Variants in VSIG10L2 observed in about 807,000 individuals in gnomAD.
The protein encoded by VSIG10L2 is V-set and immunoglobulin domain-containing protein 10-like 2.
In VSIG10L2, 56 loss-of-function variants were observed where a neutral mutation model predicts 67.1. That is an observed-to-expected ratio of 0.83 (90% confidence interval 0.67 to 1.04). The LOEUF is 1.04. Ranked by LOEUF, VSIG10L2 falls within the 50% of genes least tolerant of loss-of-function variation. The probability of loss-of-function intolerance (pLI) is 0.00; values close to 1 mark genes in which losing one functional copy is unlikely to be tolerated. For synonymous variants in VSIG10L2, 360 were observed against 396.6 expected (o/e 0.91, Z 1.10); for missense variants, 843 against 932.8 (o/e 0.90, Z 1.25).
intron 5 of VSIG10L2, 137 bp from the exon 6 acceptor site, chr11:125,951,676 T>G: frequency 7.8e-5 from 64 of 819,946 alleles, no homozygotes; most frequent in Non-Finnish European, 1.1e-4. Flanking sequence ...CAATAAATGA[T>G]GAGTGTGTGA....
At position 125,955,874 on chromosome 11, in the gene VSIG10L2, C is replaced by T. The variant is rs1193952336; in HGVS notation, c.2342C>T (p.Ser781Phe). The change falls in exon 12 of 12, where the codon TCT (serine) becomes TTT (phenylalanine). Residue 781 changes from serine (S) to phenylalanine (F), a missense_variant. By Grantham distance (155) the Ser-to-Phe change is radical. Transcript: ENST00000686984. Reference protein sequence around the residue: ...GLDPAQETTDSPVNVTITVTA... With the variant: ...GLDPAQETTDFPVNVTITVTA... ...GATCCTGCACAAGAAACCACGGATT[C>T]TCCAGTGAATGTCACCATCACAGTG... 3 of 693,750 alleles carry T rather than the reference C, an allele frequency of 4.3e-6. No individual in the cohort carries two copies. The highest frequency in any genetic ancestry group is 7.9e-6 in the Non-Finnish European group (3 of 382,070). 43.0% of individuals were successfully genotyped at this position (693,750 alleles called of 1,614,324 possible). A position where few individuals can be genotyped will look rare whatever the true frequency, so the allele number is the denominator to read the frequency against.
At chr11:125,951,200 C>T in intron 5 of VSIG10L2, 42 bp downstream of exon 5, 1 of 1,232,556 alleles carries the variant, frequency 8.1e-7, no homozygotes, top group Non-Finnish European at 1.0e-6. Context: ...ACATTCCAGG[C>T]AGAGTGTGGG....
Position 125,953,397 on chromosome 11 carries a change from C to A in VSIG10L2, c.1496-3C>A, listed in dbSNP as rs919587359. ...GCCGGCCTCATCCTCTCTGTCCCCG[C>A]AGAAGCCCCACAGCTGGACGTGGCT... On this transcript the variant is annotated splice_polypyrimidine_tract_variant and splice_region_variant and intron_variant, in intron 6 of 11. Coordinates refer to ENST00000686984, the MANE Select transcript of VSIG10L2 (RefSeq NM_001365077.2). 1.6e-6 allele frequency: 2 copies of A among 1,232,508 alleles called. No individual in the cohort carries two copies. Among genetic ancestry groups the A allele is most frequent in the African/African-American group, 3.1e-5 (2 of 64,552 alleles). 76.3% of individuals were successfully genotyped at this position (1,232,508 alleles called of 1,614,324 possible). A position where few individuals can be genotyped will look rare whatever the true frequency, so the allele number is the denominator to read the frequency against.
chr11:125,949,100 T>C (rs1194006555), intron 3 of VSIG10L2, among the ~76,000 whole-genome samples: 4 of 152,250 alleles, frequency 2.6e-5, no homozygotes, highest in Non-Finnish European at 4.4e-5. Flanking sequence ...GCTGTAGGCA[T>C]GGAAGGCACA....
chr11:125,956,040 C>A lies in VSIG10L2; in HGVS notation c.*126C>A, dbSNP rs1371912534. 2 of 676,116 alleles carry A rather than the reference C, an allele frequency of 3.0e-6. No individual in the cohort carries two copies. The highest frequency in any genetic ancestry group is 5.4e-6 in the Non-Finnish European group (2 of 372,762). The allele number at this position is 676,116 out of a possible 1,614,324, so 41.9% of individuals were successfully genotyped here. A position where few individuals can be genotyped will look rare whatever the true frequency, so the allele number is the denominator to read the frequency against. On this transcript the variant is annotated 3_prime_UTR_variant, in exon 12 of 12. Coordinates refer to ENST00000686984, the MANE Select transcript of VSIG10L2 (RefSeq NM_001365077.2). ...ACCAACTACCACTTTCACTTAATAC[C>A]CAGTCTTCACAACTGGTACAAGGCC...
chr11:125,947,607 G>C (rs749189887), intron 1 of VSIG10L2, 79 bp from the exon 2 acceptor site: 64 of 1,231,596 alleles, frequency 5.2e-5, no homozygotes, highest in Non-Finnish European at 5.7e-5. Flanking sequence ...GAACCAAAAA[G>C]AGAGGCTCCA....
chr11:125,948,918 G>A (rs905923569), intron 3 of VSIG10L2, among the ~76,000 whole-genome samples: 13 of 152,226 alleles, frequency 8.5e-5, no homozygotes, highest in South Asian at 4.1e-4. Context: ...AGGACCCCAG[G>A]AGACAGGAAT....
chr11:125,953,741 C>A, intron 7 of VSIG10L2, 51 bp downstream of exon 7: 1 of 1,226,312 alleles, frequency 8.2e-7, no homozygotes, highest in Non-Finnish European at 1.0e-6. Context: ...GCTGGGAGAC[C>A]AACAGCCACA....
chr11:125,948,013 C>G lies in VSIG10L2; in HGVS notation c.410C>G (p.Ser137Cys). The change falls in exon 2 of 12, where the codon TCC becomes TGC. Residue 137 changes from serine (S) to cysteine (C), a missense_variant. By Grantham distance (112) the Ser-to-Cys change is moderately radical. Around this residue, in one of 2 missense-constraint regions of VSIG10L2, gnomAD observed 446 missense variants for 548.4 expected, o/e 0.81. Transcript: ENST00000686984. ...VAGGQLHAAY[S>C]HLTLAVLVPV... ...GGCGGCCAGCTCCACGCTGCCTACTCCCACCTCACGCTGGCTGTGCTGGGT... is the reference window on the plus strand; with the variant it reads ...GGCGGCCAGCTCCACGCTGCCTACTGCCACCTCACGCTGGCTGTGCTGGGT... The G allele has an allele frequency of 1.6e-6, 2 of 1,232,354 alleles. No homozygotes were observed. The highest frequency in any genetic ancestry group is 3.1e-5 in the African/African-American group (2 of 64,546). The allele number at this position is 1,232,354 out of a possible 1,614,324, so 76.3% of individuals were successfully genotyped here.
At position 125,953,611 on chromosome 11, in the gene VSIG10L2, A is replaced by AC; in HGVS notation, c.1708dup (p.His570ProfsTer17). The AC allele has an allele frequency of 8.1e-7, 1 of 1,232,198 alleles. No homozygotes were observed. Among genetic ancestry groups the AC allele is most frequent in the Non-Finnish European group, 1.0e-6 (1 of 988,006 alleles). The allele number at this position is 1,232,198 out of a possible 1,614,324, so 76.3% of individuals were successfully genotyped here. On this transcript the variant is annotated frameshift_variant, in exon 7 of 12. Transcript: ENST00000686984. LOFTEE classifies it high-confidence loss of function. Reference sequence around the variant, plus strand: ...TGGGCATCTACGATGCTGACCCGGCACACCACAGGGGCACCTACCAATGCG... The same window carrying AC: ...TGGGCATCTACGATGCTGACCCGGCACCACCACAGGGGCACCTACCAATGCG...
At position 125,954,128 on chromosome 11, in the gene VSIG10L2, T is replaced by A; in HGVS notation, c.1828T>A (p.Tyr610Asn). Reference protein sequence around the residue: ...PPNVTISRLTYGRHRREVQLQ... With the variant: ...PPNVTISRLTNGRHRREVQLQ... ...CAATGTCACCATCAGCCGCCTGACCTACGGGAGGCACCGGAGAGAGGTGCA... is the reference window on the plus strand; with the variant it reads ...CAATGTCACCATCAGCCGCCTGACCAACGGGAGGCACCGGAGAGAGGTGCA... Residue 610 changes from tyrosine (Y) to asparagine (N), a missense_variant, in exon 8 of 12, where the codon TAC becomes AAC. This residue lies in a region of VSIG10L2 where 397 missense variants were observed against 384.4 expected (regional missense o/e 1.03). Transcript: ENST00000686984. 5.7e-6 allele frequency: 7 copies of A among 1,232,304 alleles called. No individual in the cohort carries two copies. The highest frequency in any genetic ancestry group is 7.1e-6 in the Non-Finnish European group (7 of 988,090). The allele number at this position is 1,232,304 out of a possible 1,614,324, so 76.3% of individuals were successfully genotyped here. A position where few individuals can be genotyped will look rare whatever the true frequency, so the allele number is the denominator to read the frequency against.
In VSIG10L2 at chr11:125,954,195, T is replaced by C. The variant is rs1462850771; in HGVS notation, c.1895T>C (p.Phe632Ser). The change falls in exon 8 of 12, where the codon TTC (phenylalanine) becomes TCC (serine). Residue 632 changes from phenylalanine to serine, a missense_variant. Coordinates refer to ENST00000686984, the MANE Select transcript of VSIG10L2 (RefSeq NM_001365077.2). ...AILGPGNLTG[F>S]LVQRKASALG... ...TTAGGACCCGGGAACCTGACGGGCT[T>C]CCTGGTGCAGCGGAAGGCCAGTGCC... The C allele has an allele frequency of 8.1e-7, 1 of 1,232,104 alleles. No homozygotes were observed. The highest frequency in any genetic ancestry group is 1.6e-5 in the African/African-American group (1 of 64,426). 76.3% of individuals were successfully genotyped at this position (1,232,104 alleles called of 1,614,324 possible). A position where few individuals can be genotyped will look rare whatever the true frequency, so the allele number is the denominator to read the frequency against.
At position 125,951,987 on chromosome 11, in the gene VSIG10L2, C is replaced by T. The variant is rs1175567080; in HGVS notation, c.1409C>T (p.Ala470Val). Reference sequence around the variant, plus strand: ...TCGATGGCCGTTCACCTCCTGCAGGCCCAAGAAGATCTGGCTGGCAGAGAG... The same window carrying T: ...TCGATGGCCGTTCACCTCCTGCAGGTCCAAGAAGATCTGGCTGGCAGAGAG... ...SSSMAVHLLQ[A>V]QEDLAGREFT... Residue 470 changes from alanine (A) to valine (V), a missense_variant, in exon 6 of 12, where the codon GCC becomes GTC. By Grantham distance (64) the Ala-to-Val change is moderately conservative. This residue lies in a region of VSIG10L2 where 397 missense variants were observed against 384.4 expected (regional missense o/e 1.03). Transcript: ENST00000686984. The T allele has an allele frequency of 1.3e-6, 2 of 1,536,044 alleles. No individual in the cohort carries two copies. Among genetic ancestry groups the T allele is most frequent in the Non-Finnish European group, 1.7e-6 (2 of 1,146,840 alleles).
chr11:125,956,036 A>C lies in VSIG10L2; in HGVS notation c.*122A>C. The stretch of plus-strand genomic sequence containing the variant: ...AGACACCAACTACCACTTTCACTTA[A>C]TACCCAGTCTTCACAACTGGTACAA... On this transcript the variant is annotated 3_prime_UTR_variant, in exon 12 of 12. Transcript: ENST00000686984. 1 of 674,950 alleles carries C rather than the reference A, an allele frequency of 1.5e-6. No individual in the cohort carries two copies. The highest frequency in any genetic ancestry group is 1.6e-5 in the South Asian group (1 of 62,742). 41.8% of individuals were successfully genotyped at this position (674,950 alleles called of 1,614,324 possible). A position where few individuals can be genotyped will look rare whatever the true frequency, so the allele number is the denominator to read the frequency against.
Position 125,950,077 on chromosome 11 carries a change from C to A in VSIG10L2, c.773C>A (p.Ala258Asp), listed in dbSNP as rs1190694440. ...GGACTCACTGAGGAGGGCTTCTGGG[C>A]CAGTGAGAGGGAAGAGGTGACCCTG... ...PLGLTEEGFWASEREEVTLSC... is the reference protein window; with the variant it reads ...PLGLTEEGFWDSEREEVTLSC... The change falls in exon 4 of 12, where the codon GCC (alanine) becomes GAC (aspartate). Residue 258 changes from alanine (A) to aspartate (D), a missense_variant. This residue lies in a region of VSIG10L2 where 446 missense variants were observed against 548.4 expected (regional missense o/e 0.81). Coordinates refer to ENST00000686984, the MANE Select transcript of VSIG10L2 (RefSeq NM_001365077.2). 2 of 1,232,218 alleles carry A rather than the reference C, an allele frequency of 1.6e-6. No individual in the cohort carries two copies. The highest frequency in any genetic ancestry group is 3.1e-5 in the African/African-American group (2 of 64,390). 76.3% of individuals were successfully genotyped at this position (1,232,218 alleles called of 1,614,324 possible).
Position 125,948,030 on chromosome 11 carries a change from G to A in VSIG10L2, c.427G>A (p.Val143Met). 1 of 1,232,538 alleles carries A rather than the reference G, an allele frequency of 8.1e-7. No homozygotes were observed. The highest frequency in any genetic ancestry group is 1.0e-6 in the Non-Finnish European group (1 of 988,272). 76.4% of individuals were successfully genotyped at this position (1,232,538 alleles called of 1,614,324 possible). The change falls in exon 2 of 12, where the codon GTG becomes ATG. Residue 143 changes from valine to methionine, a missense_variant. By Grantham distance (21) the Val-to-Met change is conservative. Transcript: ENST00000686984. ...TGCCTACTCCCACCTCACGCTGGCT[G>A]TGCTGGGTGAGGGCCTGGCCCCAGC... ...HAAYSHLTLAVLVPVSKPQVR... is the reference protein window; with the variant it reads ...HAAYSHLTLAMLVPVSKPQVR...
At chr11:125,951,303 C>T (rs758377740) in intron 5 of VSIG10L2, 145 bp downstream of exon 5, 3 of 732,270 alleles carry the variant, frequency 4.1e-6, no homozygotes, top group Non-Finnish European at 5.6e-6. Flanking sequence ...AGGTGGGCGG[C>T]ACTCAGCTCT....
intron 3 of VSIG10L2, among the ~76,000 whole-genome samples, chr11:125,949,311 G>A (rs533128865): frequency 2.6e-5 from 4 of 152,148 alleles, no homozygotes; most frequent in African/African-American, 4.8e-5. Flanking sequence ...CTACTAGAAC[G>A]TGTTATAAAA....
intron 5 of VSIG10L2, 102 bp from the exon 6 acceptor site, chr11:125,951,711 G>A: frequency 1.7e-6 from 2 of 1,202,006 alleles, no homozygotes; most frequent in Non-Finnish European, 2.2e-6. Context: ...AAGTAATGAA[G>A]GAAGGAGGGA....
Sources: allele counts gnomAD v4.1 joint callset (sites outside exome capture counted in the v4.1 genomes callset), GRCh38; gene constraint gnomAD v4.1.1; regional missense constraint gnomAD v4.1.1; transcripts MANE v1.5; gene names NCBI Gene and HGNC (gene_info 2026-07-23, HGNC 2026-07-21).